The following ARFGAP3 variants were observed in gnomAD, a reference collection of about 807,000 sequenced individuals.
ARFGAP3 encodes ADP-ribosylation factor GTPase-activating protein 3.
In ARFGAP3, 72 loss-of-function variants were observed where a neutral mutation model predicts 75.0. The observed-to-expected ratio is 0.96, with a 90% CI of 0.79 to 1.17. ARFGAP3 has a LOEUF of 1.17. Among genes scored for constraint, ARFGAP3 ranks in the 50% most tolerant of loss-of-function variants. ARFGAP3 has a pLI of 0.00. For missense variants in ARFGAP3, 620 were observed against 626.6 expected, an observed-to-expected ratio of 0.99 and a Z score of 0.11; for synonymous variants, 221 against 217.9, an observed-to-expected ratio of 1.01 and a Z score of -0.13.
chr22:42,807,158 C>T lies in ARFGAP3; in HGVS notation c.1326G>A (p.Glu442=). 6.2e-7 allele frequency: 1 copy of T among 1,610,834 alleles called. No individual in the cohort carries two copies. The highest frequency in any genetic ancestry group is 1.1e-5 in the South Asian group (1 of 90,422). Residue 442 remains glutamate, a synonymous_variant, in exon 14 of 16, where the codon GAG becomes GAA. Coordinates refer to ENST00000263245, the MANE Select transcript of ARFGAP3 (RefSeq NM_014570.5). ...ACAGCCTCTCTAGGCGGGCCCTGGT[C>T]TCATACTAGAGAAGACAAGGAAAAG... ...YFGRQSQADY[E]TRARLERLSA...
At chr22:42,837,567 CTA>C (rs1366573803) in intron 3 of ARFGAP3, among the ~76,000 whole-genome samples, 1 of 132,204 alleles carries the variant, frequency 7.6e-6, no homozygotes, top group Non-Finnish European at 1.5e-5. Context: ...CTGCAGTGAG[CTA>C]TGATTTTGCC....
chr22:42,801,081 A>G (rs532363726), intron 14 of ARFGAP3, among the ~76,000 whole-genome samples: 1 of 142,378 alleles, frequency 7.0e-6, no homozygotes, highest in African/African-American at 3.1e-5. Context: ...AAACTCAGGT[A>G]GACAGCTGGG....
rs75427904 is a variant in ARFGAP3 at position 42,835,509 on chromosome 22, T to C, written c.262-16A>G. 3,037 of 1,613,022 alleles carry C rather than the reference T, an allele frequency of 1.9e-3. 76 individuals are homozygous for C. The African/African-American group carries it at 0.036, about 19-fold the overall frequency. On this transcript the variant is annotated splice_polypyrimidine_tract_variant and intron_variant, in intron 3 of 15. Transcript: ENST00000263245. The stretch of plus-strand genomic sequence containing the variant: ...AAAAGGAAGACTACAGAGAAAAGCA[T>C]GCACATTAATATTTTCGTAAAACTA...
At chr22:42,817,532 T>C (rs1925631415) in intron 10 of ARFGAP3, among the ~76,000 whole-genome samples, 197 bp downstream of exon 10, 1 of 152,160 alleles carries the variant, frequency 6.6e-6, no homozygotes, top group African/African-American at 2.4e-5. Context: ...GAGCCAGACC[T>C]TTTTCCTTCT....
intron 3 of ARFGAP3, among the ~76,000 whole-genome samples, chr22:42,838,891 A>C (rs12169973): frequency 6.6e-6 from 1 of 152,068 alleles, no homozygotes; most frequent in East Asian, 1.9e-4. Flanking sequence ...CGGGCGGATC[A>C]CAAGGTCAGG....
At chr22:42,815,524 T>C (rs531160948) in intron 11 of ARFGAP3, among the ~76,000 whole-genome samples, 1 of 152,090 alleles carries the variant, frequency 6.6e-6, no homozygotes, top group Non-Finnish European at 1.5e-5. Context: ...TAAACATTGA[T>C]AGGAAAATAT....
chr22:42,832,349 G>A (rs1391294451), intron 5 of ARFGAP3, among the ~76,000 whole-genome samples: 1 of 151,590 alleles, frequency 6.6e-6, no homozygotes, highest in Non-Finnish European at 1.5e-5. Flanking sequence ...CCAATATGGT[G>A]AAACCCTGTC....
At chr22:42,850,624 A>G (rs1159279473) in intron 1 of ARFGAP3, among the ~76,000 whole-genome samples, 1 of 145,890 alleles carries the variant, frequency 6.9e-6, no homozygotes, top group East Asian at 2.1e-4. Flanking sequence ...AGAATCACTT[A>G]TGTGAAGGTT....
chr22:42,847,489 C>A, intron 2 of ARFGAP3, 25 bp downstream of exon 2: 1 of 1,576,284 alleles, frequency 6.3e-7, no homozygotes. Context: ...ATCAATCTCA[C>A]CCCAATGAGA....
intron 7 of ARFGAP3, among the ~76,000 whole-genome samples, chr22:42,826,238 GA>G (rs1394531800): frequency 6.6e-6 from 1 of 152,124 alleles, no homozygotes; most frequent in Non-Finnish European, 1.5e-5. Flanking sequence ...AATAAAATCA[GA>G]AAGAGAAGAA....
At chr22:42,839,109 C>CA (rs397868102) in intron 3 of ARFGAP3, among the ~76,000 whole-genome samples, 44 of 91,860 alleles carry the variant, frequency 4.8e-4, no homozygotes, top group African/African-American at 7.7e-4. Context: ...GATTCCGTCT[C>CA]AAAAAAAAAA....
chr22:42,836,946 T>A (rs1258853436), intron 3 of ARFGAP3, among the ~76,000 whole-genome samples: 2 of 152,206 alleles, frequency 1.3e-5, no homozygotes, highest in Admixed American at 1.3e-4. Flanking sequence ...AGCACAGAAC[T>A]CACAGCTCCA....
At position 42,822,396 on chromosome 22, in the gene ARFGAP3, T is replaced by C. The variant is rs752775916; in HGVS notation, c.686A>G (p.Lys229Arg). Residue 229 changes from lysine to arginine, a missense_variant, in exon 9 of 16, where the codon AAA becomes AGA. Transcript: ENST00000263245. ...CAGTTTCTGAGCTCCCAAACTTCCT[T>C]TTTTGGCCCCAAGCTAGAACATATA... The part of the protein sequence containing the change: ...NQAKKGLGAK[K>R]GSLGAQKLAN... The C allele has an allele frequency of 2.5e-6, 4 of 1,614,040 alleles. No individual in the cohort carries two copies. Among genetic ancestry groups the C allele is most frequent in the Non-Finnish European group, 3.4e-6 (4 of 1,179,988 alleles).
intron 14 of ARFGAP3, among the ~76,000 whole-genome samples, chr22:42,799,655 G>C (rs1276760140): frequency 6.6e-6 from 1 of 152,146 alleles, no homozygotes; most frequent in East Asian, 1.9e-4. Flanking sequence ...TGACCAATCA[G>C]AGCCTTCCCA....
At chr22:42,798,501 C>T (rs1157615034) in intron 15 of ARFGAP3, among the ~76,000 whole-genome samples, 1 of 151,834 alleles carries the variant, frequency 6.6e-6, no homozygotes, top group African/African-American at 2.4e-5. Context: ...AAGTATGCGC[C>T]ATCCTTGGCT....
At chr22:42,800,945 C>T (rs1405251360) in intron 14 of ARFGAP3, among the ~76,000 whole-genome samples, 1 of 151,990 alleles carries the variant, frequency 6.6e-6, no homozygotes, top group Non-Finnish European at 1.5e-5. Flanking sequence ...AGAACACCCA[C>T]AGTGTGTACT....
In ARFGAP3 at chr22:42,799,023, G is replaced by A. The variant is rs1924730225; in HGVS notation, c.1533+16C>T. On this transcript the variant is annotated intron_variant, in intron 15 of 15. Coordinates refer to ENST00000263245, the MANE Select transcript of ARFGAP3 (RefSeq NM_014570.5). ...CCTACCGTCATAGCCAGTGAGCACTGCCCCATTCCACTGACCTGAATTGAA... is the reference window on the plus strand; with the variant it reads ...CCTACCGTCATAGCCAGTGAGCACTACCCCATTCCACTGACCTGAATTGAA... 1.9e-6 allele frequency: 3 copies of A among 1,610,512 alleles called. No individual in the cohort carries two copies. In the South Asian group the frequency reaches 3.3e-5, roughly 18 times the overall value.
chr22:42,835,417 T>A lies in ARFGAP3; in HGVS notation c.338A>T (p.Tyr113Phe), dbSNP rs752927577. ...AKYNSRAAQL[Y>F]REKIKSLASQ... ...GGCGAGCGATTTGATTTTCTCCCTA[T>A]AGAGCTGAGCAGCACGACTGTTGTA... Residue 113 changes from tyrosine (Y) to phenylalanine (F), a missense_variant, in exon 4 of 16, where the codon TAT (tyrosine) becomes TTT (phenylalanine). Coordinates refer to ENST00000263245, the MANE Select transcript of ARFGAP3 (RefSeq NM_014570.5). 3 of 1,614,166 alleles carry A rather than the reference T, an allele frequency of 1.9e-6. No homozygotes were observed. Among genetic ancestry groups the A allele is most frequent in the Non-Finnish European group, 2.5e-6 (3 of 1,180,022 alleles).
intron 8 of ARFGAP3, among the ~76,000 whole-genome samples, chr22:42,823,250 A>G (rs921812145): frequency 6.6e-6 from 1 of 152,102 alleles, no homozygotes; most frequent in Non-Finnish European, 1.5e-5. Flanking sequence ...CAGCCAATAC[A>G]TGGCAAGGCC....
Sources: gnomAD v4.1 joint callset for allele counts (sites outside exome capture counted in the v4.1 genomes callset) on GRCh38, gnomAD v4.1.1 for gene constraint, MANE v1.5 for transcripts, NCBI Gene and HGNC (gene_info 2026-07-23, HGNC 2026-07-21) for gene names.